Variants in SEMA6A observed in about 807,000 individuals in gnomAD.
SEMA6A encodes the protein semaphorin 6A, also known as semaphorin-6A.
SEMA6A carries 25 observed loss-of-function variants against 96.8 expected under a neutral mutation model. The observed-to-expected ratio is 0.26, with a 90% CI of 0.19 to 0.36. The LOEUF (loss-of-function observed/expected upper bound fraction) is 0.36. SEMA6A is among the 10% of genes least tolerant of loss of function. The pLI is 1.00. For synonymous variants in SEMA6A, 612 were observed against 518.0 expected, an observed-to-expected ratio of 1.18 and a Z score of -2.46; for missense variants, 1,363 against 1,323.1, an observed-to-expected ratio of 1.03 and a Z score of -0.47.
At chr5:116,532,729 AATC>A (rs1759539193) in intron 1 of SEMA6A, among the ~76,000 whole-genome samples, 1 of 152,016 alleles carries the variant, frequency 6.6e-6, no homozygotes. Context: ...AAAATCAATG[AATC>A]AGTAAAGACT....
chr5:116,495,315 G>A (rs1374388445), intron 6 of SEMA6A, 98 bp downstream of exon 6: 5 of 796,122 alleles, frequency 6.3e-6, no homozygotes, highest in African/African-American at 5.1e-5. Context: ...GAACTCAGGT[G>A]GTGTTGAATT....
intron 1 of SEMA6A, among the ~76,000 whole-genome samples, chr5:116,506,255 A>G (rs1009960404): frequency 6.6e-6 from 1 of 152,228 alleles, no homozygotes; most frequent in Admixed American, 6.5e-5. Flanking sequence ...ATAATTTCAC[A>G]CACACAGCTG....
At chr5:116,530,249 T>C (rs919796669) in intron 1 of SEMA6A, among the ~76,000 whole-genome samples, 4 of 152,196 alleles carry the variant, frequency 2.6e-5, no homozygotes, top group Non-Finnish European at 5.9e-5. Context: ...GCACTATTGC[T>C]TCCAGTAATT....
At chr5:116,471,260 G>T (rs1391317155) in intron 17 of SEMA6A, 1 of 152,084 alleles carries the variant, frequency 6.6e-6, no homozygotes, top group Admixed American at 6.6e-5. Context: ...TAATAAGTAA[G>T]TACCTTTCCT....
At chr5:116,488,274 A>G (rs1561491261) in intron 8 of SEMA6A, 78 bp from the exon 9 acceptor site, 2 of 931,960 alleles carry the variant, frequency 2.1e-6, no homozygotes, top group Non-Finnish European at 1.7e-6. Flanking sequence ...AGCCAAAGAC[A>G]TGTTATTAAT....
chr5:116,484,066 G>GGAA (rs1756921468), intron 10 of SEMA6A, among the ~76,000 whole-genome samples: 1 of 99,926 alleles, frequency 1.0e-5, no homozygotes, highest in African/African-American at 3.5e-5. Context: ...TCTGTCTGAA[G>GGAA]AAAAAAAAAA....
chr5:116,558,164 C>G (rs1370744356), intron 1 of SEMA6A, among the ~76,000 whole-genome samples: 1 of 152,092 alleles, frequency 6.6e-6, no homozygotes, highest in Non-Finnish European at 1.5e-5. Flanking sequence ...TTTTGTTTTC[C>G]TTTTGTTACT....
Position 116,526,220 on chromosome 5 carries a change from T to TC in SEMA6A, c.-38-21239dup, listed in dbSNP as rs570056967. Among the ~76,000 whole-genome samples the TC allele has an allele frequency of 2.6e-5, 4 of 152,152 alleles. No homozygotes were observed. The South Asian group carries it at 8.3e-4, about 32-fold the overall frequency. ...CAATCATTTTCCTATTAACAGCCCC[T>TC]CCCCACTCCACTTTTCTATCCTTTC... is the stretch of plus-strand genomic sequence containing the variant. On this transcript the variant is annotated intron_variant, in intron 1 of 18. Coordinates refer to ENST00000343348, the MANE Select transcript of SEMA6A (RefSeq NM_020796.5).
chr5:116,541,694 G>A (rs921270730), intron 1 of SEMA6A, among the ~76,000 whole-genome samples: 4 of 152,114 alleles, frequency 2.6e-5, no homozygotes, highest in African/African-American at 7.2e-5. Flanking sequence ...TTAGCTGGGC[G>A]TGGTGGCGTG....
chr5:116,553,584 A>G (rs947417375), intron 1 of SEMA6A, among the ~76,000 whole-genome samples: 10 of 152,204 alleles, frequency 6.6e-5, no homozygotes, highest in African/African-American at 2.4e-4. Context: ...CCTAGAACAC[A>G]CTGTGCTATA....
intron 1 of SEMA6A, among the ~76,000 whole-genome samples, chr5:116,537,914 T>C (rs1026956546): frequency 8.5e-5 from 13 of 152,164 alleles, no homozygotes; most frequent in African/African-American, 2.9e-4. Flanking sequence ...CGGTGTCTCA[T>C]GCCTATAATC....
At chr5:116,487,333 T>C (rs1282666574) in intron 9 of SEMA6A, 2 of 205,578 alleles carry the variant, frequency 9.7e-6, no homozygotes, top group East Asian at 2.7e-4. Context: ...CCTGAATCTG[T>C]GCAAGCCACC....
At chr5:116,453,858 T>TA (rs1754809499) in intron 18 of SEMA6A, among the ~76,000 whole-genome samples, 1 of 152,182 alleles carries the variant, frequency 6.6e-6, no homozygotes, top group Non-Finnish European at 1.5e-5. Context: ...TGGGAGATGT[T>TA]ATCTGTCCTA....
chr5:116,452,049 G>T (rs1329624287), intron 18 of SEMA6A, among the ~76,000 whole-genome samples: 1 of 152,126 alleles, frequency 6.6e-6, no homozygotes, highest in Non-Finnish European at 1.5e-5. Flanking sequence ...TTCAGATGCT[G>T]CCTGGAAGCC....
chr5:116,482,583 A>G lies in SEMA6A; in HGVS notation c.963-8T>C, dbSNP rs762306298. The G allele has an allele frequency of 2.2e-5, 35 of 1,613,060 alleles. No individual in the cohort carries two copies. The highest frequency in any genetic ancestry group is 3.0e-5 in the Non-Finnish European group (35 of 1,179,396). On this transcript the variant is annotated splice_polypyrimidine_tract_variant and splice_region_variant and intron_variant, in intron 10 of 18. Transcript: ENST00000343348. ...ACTGCAGACCCAGGGATGCTACAAC[A>G]TGATATTTCACATCAAGTGTTACTC...
Position 116,568,847 on chromosome 5 carries a change from C to T in SEMA6A, c.-39+5338G>A, listed in dbSNP as rs932497931. On this transcript the variant is annotated intron_variant, in intron 1 of 18. Transcript: ENST00000343348. ...ACACACACACACACACACACACACA[C>T]ATTCATGCATGAAGTACACACACAC... is the stretch of plus-strand genomic sequence containing the variant. 6.8e-5 allele frequency among the ~76,000 whole-genome samples: 10 copies of T among 147,664 alleles called. No homozygotes were observed. The East Asian group carries it at 1.2e-3, about 18-fold the overall frequency.
At position 116,467,576 on chromosome 5, in the gene SEMA6A, G is replaced by T; in HGVS notation, c.1894+7C>A. ...CCCGAGAGGAAGAGGCATTTCCAAG[G>T]CCTTACCCTTCTTGTCTTGGTGATT... is the stretch of plus-strand genomic sequence containing the variant. On this transcript the variant is annotated splice_region_variant and intron_variant, in intron 18 of 18. Coordinates refer to ENST00000343348, the MANE Select transcript of SEMA6A (RefSeq NM_020796.5). 1.2e-6 allele frequency: 2 copies of T among 1,610,458 alleles called. No homozygotes were observed. Among genetic ancestry groups the T allele is most frequent in the Non-Finnish European group, 1.7e-6 (2 of 1,178,338 alleles).
At chr5:116,495,319 T>C (rs763259709) in intron 6 of SEMA6A, 94 bp downstream of exon 6, 54 of 861,286 alleles carry the variant, frequency 6.3e-5, no homozygotes, top group Non-Finnish European at 9.6e-5. Context: ...TCAGGTGGTG[T>C]TGAATTACCC....
intron 17 of SEMA6A, among the ~76,000 whole-genome samples, chr5:116,470,974 G>A (rs752320312): frequency 6.6e-6 from 1 of 152,192 alleles, no homozygotes; most frequent in Non-Finnish European, 1.5e-5. Context: ...AGTATTTGCC[G>A]AATGAATTAG....
Sources: allele counts gnomAD v4.1 joint callset (sites outside exome capture counted in the v4.1 genomes callset), GRCh38; gene constraint gnomAD v4.1.1; transcripts MANE v1.5; gene names NCBI Gene and HGNC (gene_info 2026-07-23, HGNC 2026-07-21).